The following DMD variants were observed in gnomAD, a reference collection of about 807,000 sequenced individuals.
DMD encodes dystrophin.
Under a neutral mutation model 330.1 loss-of-function variants are expected in DMD, and 63 were observed. The ratio of observed to expected loss-of-function variants is 0.19; its 90% CI spans 0.16 to 0.24. The LOEUF is 0.24. Ranked by LOEUF, DMD falls within the 10% of genes least tolerant of loss-of-function variation. The pLI is 1.00. For synonymous variants in DMD, 1,223 were observed against 959.8 expected (o/e 1.27, Z -5.07); for missense variants, 3,344 against 2,684.1 (o/e 1.25, Z -5.43).
At position 31,264,030 on chromosome X, in the gene DMD, G is replaced by A. The variant is rs58756917; in HGVS notation, c.9225-3014C>T. Among the ~76,000 whole-genome samples, 769 of 112,065 alleles carry A rather than the reference G, an allele frequency of 6.9e-3. 7 individuals carry two copies. The highest frequency in any genetic ancestry group is 0.023 in the African/African-American group (724 of 30,838). ...ACATTTAACCCTCCAAAATAGATAG[G>A]AACTATGAATATGGACTGGATGAAA... On this transcript the variant is annotated intron_variant, in intron 62 of 78. Transcript: ENST00000357033.
At chrX:33,230,969 A>AAT (rs1557304612) in intron 1 of DMD, among the ~76,000 whole-genome samples, 2,677 of 105,541 alleles carry the variant, frequency 0.025, 94 homozygotes, top group African/African-American at 0.1. Context: ...AAAAAAAAAA[A>AAT]AAATAAATAA....
intron 29 of DMD, among the ~76,000 whole-genome samples, chrX:32,432,890 C>A (rs55973719): frequency 0.15 from 16,459 of 111,665 alleles, 967 homozygotes; most frequent in African/African-American, 0.19. Flanking sequence ...ACGGCCCTCT[C>A]TGAGTCTATC....
chrX:32,352,377 A>T (rs1403980577), intron 37 of DMD, among the ~76,000 whole-genome samples: 2 of 111,238 alleles, frequency 1.8e-5, no homozygotes, highest in Non-Finnish European at 3.8e-5. Context: ...CATAGTAAAA[A>T]ACAAAAAACA....
At chrX:32,542,500 G>A (rs6653874) in intron 17 of DMD, among the ~76,000 whole-genome samples, 3,155 of 111,862 alleles carry the variant, frequency 0.028, 118 homozygotes, top group African/African-American at 0.097. Context: ...AAGGCAGAAG[G>A]AATAAAACAA....
intron 71 of DMD, 151 bp from the exon 72 acceptor site, chrX:31,173,755 T>A (rs1265436111): frequency 4.9e-6 from 2 of 407,857 alleles, no homozygotes; most frequent in East Asian, 8.2e-5. Flanking sequence ...ATCTTAAATA[T>A]TATCAAGTAT....
At chrX:31,405,240 A>G (rs987168531) in intron 60 of DMD, among the ~76,000 whole-genome samples, 2 of 112,245 alleles carry the variant, frequency 1.8e-5, no homozygotes, top group African/African-American at 6.5e-5. Flanking sequence ...GTTGTACTTA[A>G]CCATTCGTAT....
At chrX:31,465,006 A>G (rs1195576019) in intron 59 of DMD, among the ~76,000 whole-genome samples, 1 of 112,128 alleles carries the variant, frequency 8.9e-6, no homozygotes, top group Non-Finnish European at 1.9e-5. Context: ...AGGGGCTTTT[A>G]AAACACACAC....
At chrX:32,415,078 C>G (rs930433288) in intron 29 of DMD, among the ~76,000 whole-genome samples, 1 of 111,795 alleles carries the variant, frequency 8.9e-6, no homozygotes, top group Non-Finnish European at 1.9e-5. Context: ...AGAAAACTTC[C>G]AATCACAGCG....
chrX:33,015,736 A>G (rs1415407395), intron 2 of DMD, among the ~76,000 whole-genome samples: 4 of 112,091 alleles, frequency 3.6e-5, no homozygotes, highest in African/African-American at 1.3e-4. Flanking sequence ...CATCATGCTT[A>G]TCATGCTGGC....
intron 55 of DMD, among the ~76,000 whole-genome samples, chrX:31,579,049 C>T (rs2076230101): frequency 9.0e-6 from 1 of 111,617 alleles, no homozygotes; most frequent in African/African-American, 3.3e-5. Context: ...GAGTCTTCGG[C>T]CAGCTTACCT....
chrX:32,708,680 A>G (rs746258456), intron 7 of DMD, among the ~76,000 whole-genome samples: 1 of 111,572 alleles, frequency 9.0e-6, no homozygotes, highest in Non-Finnish European at 1.9e-5. Context: ...ATCACGTTTT[A>G]TAATTAGAAT....
At chrX:32,687,724 G>C (rs910409302) in intron 9 of DMD, among the ~76,000 whole-genome samples, 1 of 111,373 alleles carries the variant, frequency 9.0e-6, no homozygotes, top group Non-Finnish European at 1.9e-5. Context: ...GAACCCATCT[G>C]AGACCCAGAA....
chrX:31,940,843 G>A (rs867209518), intron 45 of DMD, among the ~76,000 whole-genome samples: 3 of 111,287 alleles, frequency 2.7e-5, no homozygotes, highest in South Asian at 7.6e-4. Flanking sequence ...TAAAAACAGC[G>A]AAGAAGTGAA....
intron 1 of DMD, among the ~76,000 whole-genome samples, chrX:33,045,315 T>TACACACAC (rs55970492): frequency 0.12 from 11,653 of 96,575 alleles, 561 homozygotes; most frequent in Middle Eastern, 0.13. Flanking sequence ...CACAGGTGCG[T>TACACACAC]ACACACACAC....
chrX:32,460,635 C>A (rs780979163), intron 25 of DMD, among the ~76,000 whole-genome samples: 1 of 110,735 alleles, frequency 9.0e-6, no homozygotes, highest in Non-Finnish European at 1.9e-5. Context: ...CATGCTAAGC[C>A]CTCTCTTGCC....
chrX:31,654,611 A>ACAT (rs1016163510), intron 54 of DMD, among the ~76,000 whole-genome samples: 2 of 112,120 alleles, frequency 1.8e-5, no homozygotes, highest in African/African-American at 6.5e-5. Flanking sequence ...CTTTGCAGGG[A>ACAT]CATAGATGGA....
At chrX:31,313,157 T>G (rs2055671209) in intron 62 of DMD, among the ~76,000 whole-genome samples, 1 of 107,748 alleles carries the variant, frequency 9.3e-6, no homozygotes, top group East Asian at 2.9e-4. Context: ...AATCAAACAT[T>G]TTAAAAATTA....
At chrX:31,595,388 C>A (rs1461016893) in intron 55 of DMD, among the ~76,000 whole-genome samples, 1 of 110,935 alleles carries the variant, frequency 9.0e-6, no homozygotes, top group Non-Finnish European at 1.9e-5. Context: ...ATCTTCCACA[C>A]CCTTGATTCC....
intron 63 of DMD, among the ~76,000 whole-genome samples, chrX:31,252,799 G>A (rs1433819598): frequency 1.8e-5 from 2 of 111,704 alleles, no homozygotes; most frequent in Admixed American, 9.5e-5. Flanking sequence ...GGATCATGAG[G>A]TCAAGAGATC....
Sources: allele counts gnomAD v4.1 joint callset (sites outside exome capture counted in the v4.1 genomes callset), GRCh38; gene constraint gnomAD v4.1.1; transcripts MANE v1.5; gene names NCBI Gene and HGNC (gene_info 2026-07-23, HGNC 2026-07-21).